CHKA: variants seen among roughly 807,000 people sequenced by gnomAD.
CHKA encodes the protein choline kinase alpha, also known as CHETK-alpha.
Under a neutral mutation model 60.1 loss-of-function variants are expected in CHKA, and 34 were observed. That is an observed-to-expected ratio of 0.57 (90% confidence interval 0.43 to 0.75). The LOEUF (loss-of-function observed/expected upper bound fraction) is 0.75, where lower values mean the gene tolerates loss of function less well. Ranked by LOEUF, CHKA falls within the 30% of genes least tolerant of loss-of-function variation. The pLI is 0.00. For synonymous variants in CHKA, 217 were observed against 223.1 expected, an observed-to-expected ratio of 0.97 and a Z score of 0.24; for missense variants, 563 against 561.3, an observed-to-expected ratio of 1.00 and a Z score of -0.03.
chr11:68,068,301 AT>A lies in CHKA; in HGVS notation c.928+577del, dbSNP rs1185511548. ...TATTGCTTTTTCAGGTTAAAAAAAA[AT>A]CATACATGTTTACTGTAAGGAGTTA... On this transcript the variant is annotated intron_variant, in intron 7 of 11. Coordinates refer to ENST00000265689, the MANE Select transcript of CHKA (RefSeq NM_001277.3). Among the ~76,000 whole-genome samples the A allele has an allele frequency of 3.2e-4, 49 of 152,198 alleles. 2 individuals carry two copies. Among genetic ancestry groups the A allele is most frequent in the South Asian group, 2.1e-4 (1 of 4,836 alleles).
At chr11:68,059,960 C>T (rs902557986) in intron 11 of CHKA, among the ~76,000 whole-genome samples, 16 of 151,978 alleles carry the variant, frequency 1.1e-4, no homozygotes, top group Admixed American at 5.2e-4. Flanking sequence ...GTTCTAACCA[C>T]AGAAGAGGAG....
intron 1 of CHKA, among the ~76,000 whole-genome samples, chr11:68,112,383 G>C (rs868499763): frequency 6.6e-5 from 10 of 152,086 alleles, no homozygotes; most frequent in Non-Finnish European, 1.5e-4. Context: ...TTAGCCTCCT[G>C]AGTAGCTGGC....
chr11:68,061,101 T>TG, intron 11 of CHKA, among the ~76,000 whole-genome samples: 1 of 138,020 alleles, frequency 7.2e-6, no homozygotes, highest in Non-Finnish European at 1.6e-5. Context: ...GACAGTTTTT[T>TG]TTTTTTTTTT....
intron 1 of CHKA, among the ~76,000 whole-genome samples, chr11:68,111,271 G>A (rs1270645304): frequency 6.6e-6 from 1 of 152,080 alleles, no homozygotes; most frequent in Admixed American, 6.6e-5. Context: ...AATTAGCTGG[G>A]CGTGGTGGTG....
chr11:68,084,640 G>A (rs543812237), intron 2 of CHKA, among the ~76,000 whole-genome samples: 24 of 151,050 alleles, frequency 1.6e-4, no homozygotes, highest in Non-Finnish European at 2.8e-4. Flanking sequence ...TTTGAACACT[G>A]GTTATTTAAT....
chr11:68,104,067 T>C (rs1373105224), intron 1 of CHKA, among the ~76,000 whole-genome samples: 2 of 152,122 alleles, frequency 1.3e-5, no homozygotes, highest in Admixed American at 6.6e-5. Context: ...AAGCCATCAA[T>C]TGATTATAGA....
At chr11:68,096,988 C>T (rs777443234) in intron 2 of CHKA, 31 bp downstream of exon 2, 5 of 1,442,718 alleles carry the variant, frequency 3.5e-6, no homozygotes, top group South Asian at 2.4e-5. Flanking sequence ...TTAACAGGAT[C>T]CCCCCCTCCC....
chr11:68,085,227 TA>T (rs561535568), intron 2 of CHKA, among the ~76,000 whole-genome samples: 6 of 150,590 alleles, frequency 4.0e-5, no homozygotes, highest in African/African-American at 1.2e-4. Flanking sequence ...GGTGAAACTT[TA>T]AAAAAAAAAT....
chr11:68,099,206 G>C (rs547260971), intron 1 of CHKA, among the ~76,000 whole-genome samples: 75 of 152,276 alleles, frequency 4.9e-4, no homozygotes, highest in African/African-American at 1.8e-3. Flanking sequence ...ATAGCTAAAA[G>C]TTTCTTTTTG....
At chr11:68,084,548 T>C (rs1590858112) in intron 2 of CHKA, among the ~76,000 whole-genome samples, 1 of 150,810 alleles carries the variant, frequency 6.6e-6, no homozygotes, top group East Asian at 1.9e-4. Flanking sequence ...TAGTATGACA[T>C]CCAACTTTTC....
intron 11 of CHKA, among the ~76,000 whole-genome samples, chr11:68,059,474 G>C (rs1856143182): frequency 6.6e-6 from 1 of 152,016 alleles, no homozygotes; most frequent in Non-Finnish European, 1.5e-5. Context: ...TTTTGCCAAT[G>C]TTTTGATAGG....
At chr11:68,075,745 G>A (rs909955296) in intron 3 of CHKA, among the ~76,000 whole-genome samples, 2 of 152,002 alleles carry the variant, frequency 1.3e-5, no homozygotes, top group East Asian at 1.9e-4. Context: ...AGACCAGCCT[G>A]GGCAACATAG....
intron 3 of CHKA, among the ~76,000 whole-genome samples, chr11:68,078,627 G>C (rs1267132676): frequency 6.6e-6 from 1 of 152,174 alleles, no homozygotes; most frequent in Non-Finnish European, 1.5e-5. Flanking sequence ...TTGATGTTAT[G>C]AACTTCTTGA....
At chr11:68,113,370 TTCA>T (rs1268542783) in intron 1 of CHKA, among the ~76,000 whole-genome samples, 1 of 152,054 alleles carries the variant, frequency 6.6e-6, no homozygotes, top group Non-Finnish European at 1.5e-5. Context: ...TGAAAAGATT[TTCA>T]TCATATGTCA....
At chr11:68,064,062 A>C (rs1309435652) in intron 10 of CHKA, among the ~76,000 whole-genome samples, 1 of 152,212 alleles carries the variant, frequency 6.6e-6, no homozygotes, top group East Asian at 1.9e-4. Flanking sequence ...ACAATGGAGA[A>C]GTAGCAGATT....
intron 3 of CHKA, among the ~76,000 whole-genome samples, chr11:68,075,091 TCCAAAAATA>T (rs972073186): frequency 2.6e-5 from 4 of 152,212 alleles, no homozygotes; most frequent in Non-Finnish European, 5.9e-5. Flanking sequence ...GGTCACTAGA[TCCAAAAATA>T]GAAAAATATC....
intron 2 of CHKA, among the ~76,000 whole-genome samples, chr11:68,094,687 G>T (rs1166062820): frequency 1.3e-5 from 2 of 152,186 alleles, no homozygotes; most frequent in African/African-American, 4.8e-5. Context: ...TAACAGCAAG[G>T]GGTCTGTGTT....
At chr11:68,120,782 C>A in intron 1 of CHKA, 46 bp downstream of exon 1, 4 of 1,062,992 alleles carry the variant, frequency 3.8e-6, no homozygotes, top group Non-Finnish European at 4.7e-6. Flanking sequence ...GGCCCCGCCC[C>A]GCGTCACCTG....
At position 68,120,881 on chromosome 11, in the gene CHKA, CA is replaced by C; in HGVS notation, c.296del (p.Leu99ArgfsTer56). 7.4e-7 allele frequency: 1 copy of C among 1,356,860 alleles called. No homozygotes were observed. The highest frequency in any genetic ancestry group is 9.6e-7 in the Non-Finnish European group (1 of 1,040,822). The allele number at this position is 1,356,860 out of a possible 1,614,324, so 84.1% of individuals were successfully genotyped here. Reference protein sequence around the residue: ...RRAYLWCKEFLPGAWRGLRED... With the variant: ...RRAYLWCKEFXPGAWRGLRED... ...CGCGGAGGCCCCGCCAGGCGCCGGG[CA>C]GGAACTCCTTGCACCACAGATAGGC... On this transcript the variant is annotated frameshift_variant, in exon 1 of 12. Transcript: ENST00000265689. LOFTEE classifies it high-confidence loss of function.
Sources: gnomAD v4.1 joint callset for allele counts (sites outside exome capture counted in the v4.1 genomes callset) on GRCh38, gnomAD v4.1.1 for gene constraint, MANE v1.5 for transcripts, NCBI Gene and HGNC (gene_info 2026-07-23, HGNC 2026-07-21) for gene names.